The following SLAIN2 variants were observed in gnomAD, a reference collection of about 807,000 sequenced individuals.
SLAIN2 encodes the protein SLAIN family member 2, also known as SLAIN motif-containing protein 2.
In SLAIN2, 31 loss-of-function variants were observed where a neutral mutation model predicts 56.6. The ratio of observed to expected loss-of-function variants is 0.55; its 90% CI spans 0.41 to 0.74. The LOEUF (loss-of-function observed/expected upper bound fraction) is 0.74. Ranked by LOEUF, SLAIN2 falls within the 30% of genes least tolerant of loss-of-function variation. The pLI, the probability that SLAIN2 is intolerant of heterozygous loss-of-function variation, is 0.00. For synonymous variants in SLAIN2, 317 were observed against 284.9 expected (o/e 1.11, Z -1.13); for missense variants, 777 against 754.2 (o/e 1.03, Z -0.35).
At chr4:48,417,761 CTCAA>C (rs1717032444) in intron 6 of SLAIN2, among the ~76,000 whole-genome samples, 1 of 147,944 alleles carries the variant, frequency 6.8e-6, no homozygotes, top group South Asian at 2.3e-4. Context: ...ACATGATTAT[CTCAA>C]TAGATGCAGA....
intron 1 of SLAIN2, among the ~76,000 whole-genome samples, chr4:48,368,222 G>C (rs1715576852): frequency 6.6e-6 from 1 of 151,658 alleles, no homozygotes; most frequent in Non-Finnish European, 1.5e-5. Context: ...CTAATTTTTT[G>C]TATTTTTAGT....
At chr4:48,400,785 T>A (rs1473477960) in intron 6 of SLAIN2, among the ~76,000 whole-genome samples, 2 of 152,192 alleles carry the variant, frequency 1.3e-5, no homozygotes, top group African/African-American at 4.8e-5. Flanking sequence ...GTTTGTTTGT[T>A]TTTTTAAGGG....
intron 2 of SLAIN2, among the ~76,000 whole-genome samples, chr4:48,376,954 A>T (rs1334725733): frequency 1.5e-5 from 2 of 134,096 alleles, no homozygotes; most frequent in Admixed American, 8.2e-5. Flanking sequence ...CCATGTCTTG[A>T]CCTTAAACTG....
chr4:48,362,481 C>G (rs1343091044), intron 1 of SLAIN2, among the ~76,000 whole-genome samples: 1 of 143,032 alleles, frequency 7.0e-6, no homozygotes, highest in Admixed American at 7.0e-5. Context: ...TGCAGTGGCT[C>G]AGTCTTGGGT....
Position 48,391,690 on chromosome 4 carries a change from G to A in SLAIN2, c.1360+7906G>A, listed in dbSNP as rs143227642. 7.4e-4 allele frequency among the ~76,000 whole-genome samples: 113 copies of A among 152,214 alleles called. 1 individual carries two copies. Among genetic ancestry groups the A allele is most frequent in the Non-Finnish European group, 1.4e-3 (98 of 68,006 alleles). On this transcript the variant is annotated intron_variant, in intron 6 of 7. Transcript: ENST00000264313. The stretch of plus-strand genomic sequence containing the variant: ...AGGGAGACCACAAAAAACACTGATT[G>A]GAATTCCAGAAATAGGGTGTGATGA...
chr4:48,341,993 G>A lies in SLAIN2; in HGVS notation c.254G>A (p.Arg85Gln). 7.0e-7 allele frequency: 1 copy of A among 1,426,212 alleles called. No individual in the cohort carries two copies. The highest frequency in any genetic ancestry group is 9.1e-7 in the Non-Finnish European group (1 of 1,095,434). The allele number at this position is 1,426,212 out of a possible 1,614,324, so 88.3% of individuals were successfully genotyped here. Residue 85 changes from arginine (R) to glutamine (Q), a missense_variant, in exon 1 of 8, where the codon CGG (arginine) becomes CAG (glutamine). Physicochemically the swap from Arg to Gln is conservative, Grantham distance 43. Transcript: ENST00000264313. ...GGCGGGCCCGGGTCGGGCCCGAGGC[G>A]GACGAGTAGCGAAGAGCTGCGGGAC... ...SGGGPGSGPR[R>Q]TSSEELRDAT...
Position 48,341,814 on chromosome 4 carries a change from G to A in SLAIN2, c.75G>A (p.Glu25=). Residue 25 remains glutamate, a synonymous_variant, in exon 1 of 8, where the codon GAG becomes GAA. Coordinates refer to ENST00000264313, the MANE Select transcript of SLAIN2 (RefSeq NM_020846.2). The part of the protein sequence containing the change: ...RKLQELVKKL[E]KQNEQLRSRS... ...TGCAGGAGCTGGTGAAGAAGCTGGAGAAGCAGAACGAACAGCTGAGGAGCC... is the reference window on the plus strand; with the variant it reads ...TGCAGGAGCTGGTGAAGAAGCTGGAAAAGCAGAACGAACAGCTGAGGAGCC... 1 of 1,533,880 alleles carries A rather than the reference G, an allele frequency of 6.5e-7. No individual in the cohort carries two copies. The highest frequency in any genetic ancestry group is 1.4e-5 in the African/African-American group (1 of 70,868).
At chr4:48,378,356 T>C (rs1256275363) in intron 3 of SLAIN2, among the ~76,000 whole-genome samples, 2 of 152,258 alleles carry the variant, frequency 1.3e-5, no homozygotes, top group African/African-American at 4.8e-5. Flanking sequence ...TAGATCCTTA[T>C]TGAACAGCCT....
At chr4:48,357,791 G>A (rs369047162) in intron 1 of SLAIN2, among the ~76,000 whole-genome samples, 415 of 152,122 alleles carry the variant, frequency 2.7e-3, no homozygotes, top group South Asian at 9.5e-3. Flanking sequence ...CCAACCTCAG[G>A]TGTTCCGCCC....
At chr4:48,408,288 A>C (rs1316243407) in intron 6 of SLAIN2, among the ~76,000 whole-genome samples, 1 of 151,914 alleles carries the variant, frequency 6.6e-6, no homozygotes, top group Non-Finnish European at 1.5e-5. Flanking sequence ...GTGTGATCGC[A>C]CCACTTCCAG....
At position 48,396,837 on chromosome 4, in the gene SLAIN2, A is replaced by C. The variant is rs542100096; in HGVS notation, c.1360+13053A>C. On this transcript the variant is annotated intron_variant, in intron 6 of 7. Transcript: ENST00000264313. ...ATATAGTCACTTTGATTTTAATTGC[A>C]TTTAGTAGTAGCAGGTGTTTGAAAA... Among the ~76,000 whole-genome samples the C allele has an allele frequency of 1.1e-3, 160 of 152,308 alleles. No individual in the cohort carries two copies. The Middle Eastern group carries it at 0.014, about 13-fold the overall frequency.
chr4:48,350,692 A>G (rs114610599), intron 1 of SLAIN2, among the ~76,000 whole-genome samples: 16 of 152,334 alleles, frequency 1.1e-4, no homozygotes, highest in Non-Finnish European at 2.1e-4. Flanking sequence ...GATCGAAGTT[A>G]TGGAGGAAAT....
chr4:48,341,563 TG>T lies in SLAIN2; in HGVS notation c.-173del. The T allele has an allele frequency of 1.0e-6, 1 of 979,800 alleles. No homozygotes were observed. Among genetic ancestry groups the T allele is most frequent in the Non-Finnish European group, 1.4e-6 (1 of 718,042 alleles). The allele number at this position is 979,800 out of a possible 1,614,324, so 60.7% of individuals were successfully genotyped here. On this transcript the variant is annotated 5_prime_UTR_variant, in exon 1 of 8. The change abolishes the stop of an existing upstream ORF in the 5' untranslated region. Coordinates refer to ENST00000264313, the MANE Select transcript of SLAIN2 (RefSeq NM_020846.2). ...GCCGGCGCAGATGAGGCAGTTCGGC[TG>T]GGGCCAGCGGCGCTTTGGAACCCGA... is the stretch of plus-strand genomic sequence containing the variant.
intron 1 of SLAIN2, among the ~76,000 whole-genome samples, chr4:48,349,000 A>G (rs1486427043): frequency 6.6e-6 from 1 of 152,182 alleles, no homozygotes; most frequent in Non-Finnish European, 1.5e-5. Flanking sequence ...AAGAACATTT[A>G]TGCCCTTTGG....
Position 48,341,587 on chromosome 4 carries a change from CGAG to C in SLAIN2, c.-151_-149del. The stretch of plus-strand genomic sequence containing the variant: ...CTGGGGCCAGCGGCGCTTTGGAACC[CGAG>C]GTGGGGGGACCCTGGCGGTGGGGCC... On this transcript the variant is annotated 5_prime_UTR_variant, in exon 1 of 8. Transcript: ENST00000264313. 1 of 1,222,000 alleles carries C rather than the reference CGAG, an allele frequency of 8.2e-7. No homozygotes were observed. The highest frequency in any genetic ancestry group is 1.1e-6 in the Non-Finnish European group (1 of 934,232). The allele number at this position is 1,222,000 out of a possible 1,614,324, so 75.7% of individuals were successfully genotyped here.
At chr4:48,420,960 C>T (rs555754977) in intron 7 of SLAIN2, among the ~76,000 whole-genome samples, 30 of 152,082 alleles carry the variant, frequency 2.0e-4, no homozygotes, top group African/African-American at 6.5e-4. Flanking sequence ...TTATGAGGCC[C>T]AGAATCTGTG....
At chr4:48,412,365 T>TACACACACACACACACACACACAC (rs748099130) in intron 6 of SLAIN2, among the ~76,000 whole-genome samples, 3 of 112,986 alleles carry the variant, frequency 2.7e-5, no homozygotes, top group Admixed American at 9.4e-5. Flanking sequence ...TTTGTATATG[T>TACACACACACACACACACACACAC]ACACACACAC....
intron 1 of SLAIN2, among the ~76,000 whole-genome samples, chr4:48,364,758 C>T (rs9760162): frequency 9.9e-5 from 13 of 131,958 alleles, no homozygotes; most frequent in African/African-American, 3.3e-4. Flanking sequence ...GCAGGCACTC[C>T]GCAGGCTGAG....
chr4:48,356,846 A>C (rs1715168126), intron 1 of SLAIN2, among the ~76,000 whole-genome samples: 1 of 152,162 alleles, frequency 6.6e-6, no homozygotes, highest in Non-Finnish European at 1.5e-5. Flanking sequence ...ATGGAATCAT[A>C]ATAGCTATTT....
Sources: allele counts gnomAD v4.1 joint callset (sites outside exome capture counted in the v4.1 genomes callset), GRCh38; gene constraint gnomAD v4.1.1; transcripts MANE v1.5; gene names NCBI Gene and HGNC (gene_info 2026-07-23, HGNC 2026-07-21).